SNED1: variants seen among roughly 807,000 people sequenced by gnomAD.
The protein encoded by SNED1 is sushi, nidogen and EGF-like domain-containing protein 1.
In SNED1, 81 loss-of-function variants were observed where a neutral mutation model predicts 166.7. That is an observed-to-expected ratio of 0.49 (90% CI 0.41 to 0.58). SNED1 has a LOEUF of 0.58. Ranked by LOEUF, SNED1 falls within the 20% of genes least tolerant of loss-of-function variation. The pLI is 0.00. For synonymous variants in SNED1, 762 were observed against 822.0 expected (o/e 0.93, Z 1.25); for missense variants, 1,604 against 2,000.2 (o/e 0.80, Z 3.78).
At chr2:241,082,199 C>T in intron 28 of SNED1, 78 bp from the exon 29 acceptor site, 2 of 1,228,128 alleles carry the variant, frequency 1.6e-6, no homozygotes, top group African/African-American at 1.5e-5. Context: ...GGGCCCTCTC[C>T]CTTGGGCAAG....
chr2:241,014,919 C>T (rs2124846350), intron 1 of SNED1, among the ~76,000 whole-genome samples: 1 of 152,270 alleles, frequency 6.6e-6, no homozygotes, highest in Admixed American at 6.5e-5. Context: ...GAAAAGCCGC[C>T]TCTCCCCACA....
chr2:241,063,827 G>T (rs2062323404), intron 18 of SNED1, 127 bp downstream of exon 18: 1 of 772,386 alleles, frequency 1.3e-6, no homozygotes, highest in African/African-American at 1.8e-5. Flanking sequence ...CAGGGCTGCG[G>T]CCACCTTGGG....
rs6736167 is a variant in SNED1, at chr2:241,034,585, C to A, written c.660C>A (p.Gly220=). Residue 220 remains glycine (G), a synonymous_variant, in exon 4 of 32, where the codon GGC becomes GGA. Transcript: ENST00000310397. The part of the protein sequence containing the change: ...GIAAQAGFNA[G]DGQRYFSIPG... ...ACCCCCAGGCTGGCTTCAACGCAGG[C>A]GATGGGCAGCGTTACTTCAGTATCC... 52 of 1,603,758 alleles carry A rather than the reference C, an allele frequency of 3.2e-5. No homozygotes were observed. The highest frequency in any genetic ancestry group is 4.3e-5 in the Non-Finnish European group (50 of 1,174,158).
rs563444503 is a variant in SNED1, at chr2:241,013,513, C to A, written c.213+14463C>A. Among the ~76,000 whole-genome samples, 1 of 151,812 alleles carries A rather than the reference C, an allele frequency of 6.6e-6. No homozygotes were observed. The highest frequency in any genetic ancestry group is 1.9e-4 in the East Asian group (1 of 5,144). ...CCTCCAGCTATATTTTTTTATTTTT[C>A]TTTTTTTGTAGAGACAGGGTCTTGC... On this transcript the variant is annotated intron_variant, in intron 1 of 31. Coordinates refer to ENST00000310397, the MANE Select transcript of SNED1 (RefSeq NM_001080437.3). This position sits in a 1 kb window ranked among gnomAD's most constrained non-coding sequence, Gnocchi z 4.6.
At position 241,044,337 on chromosome 2, in the gene SNED1, T is replaced by C. The variant is rs186424400; in HGVS notation, c.1273+3924T>C. Among the ~76,000 whole-genome samples the C allele has an allele frequency of 9.0e-4, 137 of 152,272 alleles. 2 individuals carry two copies. The highest frequency in any genetic ancestry group is 8.7e-3 in the Admixed American group (133 of 15,304). ...CTCTAAGTATAAAGACACAGGTAAT[T>C]GTAAAGTAATAGAATGGGTTTCTGG... On this transcript the variant is annotated intron_variant, in intron 8 of 31. Coordinates refer to ENST00000310397, the MANE Select transcript of SNED1 (RefSeq NM_001080437.3).
rs1446341312 is a variant in SNED1 at position 241,069,162 on chromosome 2, G to A, written c.3307+139G>A. On this transcript the variant is annotated intron_variant, in intron 23 of 31. Transcript: ENST00000310397. The surrounding 1 kb of genome is among the most constrained non-coding windows in gnomAD (Gnocchi z 4.9). ...CCCTGGCCTCCCAGATGTCTCTTCC[G>A]CTGGGGCCACTGGGCAGGAGCCGCT... 3 of 623,522 alleles carry A rather than the reference G, an allele frequency of 4.8e-6. No homozygotes were observed. Among genetic ancestry groups the A allele is most frequent in the African/African-American group, 1.8e-5 (1 of 54,148 alleles). 38.6% of individuals were successfully genotyped at this position (623,522 alleles called of 1,614,324 possible). A position where few individuals can be genotyped will look rare whatever the true frequency, so the allele number is the denominator to read the frequency against.
At chr2:241,061,604 CT>C (rs1183281740) in intron 16 of SNED1, among the ~76,000 whole-genome samples, 1 of 152,116 alleles carries the variant, frequency 6.6e-6, no homozygotes, top group Admixed American at 6.6e-5. Flanking sequence ...AGCAAAAAGT[CT>C]AGGCTGGGCG....
Position 241,009,813 on chromosome 2 carries a change from G to A in SNED1, c.213+10763G>A, listed in dbSNP as rs377386970. ...GCTTCTGTCCCATGTGTGTTTCCCCGGAGGCGTCCCATGTGTGTTTCCCCG... is the reference window on the plus strand; with the variant it reads ...GCTTCTGTCCCATGTGTGTTTCCCCAGAGGCGTCCCATGTGTGTTTCCCCG... On this transcript the variant is annotated intron_variant, in intron 1 of 31. Coordinates refer to ENST00000310397, the MANE Select transcript of SNED1 (RefSeq NM_001080437.3). Among the ~76,000 whole-genome samples, 219 of 125,992 alleles carry A rather than the reference G, an allele frequency of 1.7e-3. 2 individuals are homozygous for A. The highest frequency in any genetic ancestry group is 0.012 in the African/African-American group (206 of 17,720). The allele number at this position is 125,992 out of a possible 152,430, so 82.7% of individuals were successfully genotyped here. A position where few individuals can be genotyped will look rare whatever the true frequency, so the allele number is the denominator to read the frequency against.
chr2:241,056,598 T>TTTTTTTTTTTGG, intron 16 of SNED1, among the ~76,000 whole-genome samples: 1 of 149,662 alleles, frequency 6.7e-6, no homozygotes. Flanking sequence ...TTTTTTTTTT[T>TTTTTTTTTTTGG]GAGACGGAGT....
Position 241,064,252 on chromosome 2 carries a change from G to A in SNED1, c.2599+127G>A, listed in dbSNP as rs958058751. ...CCCGCCTGCTCCCCGCCCTCTGCCCGCCGCCTTGGAAGTCCCCTTCTCAGG... is the reference window on the plus strand; with the variant it reads ...CCCGCCTGCTCCCCGCCCTCTGCCCACCGCCTTGGAAGTCCCCTTCTCAGG... On this transcript the variant is annotated intron_variant, in intron 19 of 31. Transcript: ENST00000310397. This position sits in a 1 kb window ranked among gnomAD's most constrained non-coding sequence, Gnocchi z 7.0. 29 of 636,430 alleles carry A rather than the reference G, an allele frequency of 4.6e-5. No individual in the cohort carries two copies. The highest frequency in any genetic ancestry group is 2.6e-4 in the South Asian group (13 of 50,088). The allele number at this position is 636,430 out of a possible 1,614,324, so 39.4% of individuals were successfully genotyped here. A position where few individuals can be genotyped will look rare whatever the true frequency, so the allele number is the denominator to read the frequency against.
At chr2:241,037,196 TC>T (rs1559248901) in intron 5 of SNED1, 43 bp from the exon 6 acceptor site, 12 of 1,474,812 alleles carry the variant, frequency 8.1e-6, no homozygotes, top group East Asian at 2.4e-5. Context: ...AAACTCCTCA[TC>T]CGGGTTCCCG....
rs2061835133 is a variant in SNED1, at chr2:241,051,376, G to A, written c.1736-368G>A. ...TGGGGACCCTGATGTCACGGCAGAT[G>A]AGACTCAGCTGCTTCCTGTCAGATG... On this transcript the variant is annotated intron_variant, in intron 12 of 31. Transcript: ENST00000310397. The surrounding 1 kb of genome is among the most constrained non-coding windows in gnomAD (Gnocchi z 4.7). 1 of 211,468 alleles carries A rather than the reference G, an allele frequency of 4.7e-6. No individual in the cohort carries two copies. The highest frequency in any genetic ancestry group is 9.3e-6 in the Non-Finnish European group (1 of 107,224). 13.1% of individuals were successfully genotyped at this position (211,468 alleles called of 1,614,324 possible). A position where few individuals can be genotyped will look rare whatever the true frequency, so the allele number is the denominator to read the frequency against.
At chr2:241,048,256 G>C in intron 8 of SNED1, 59 bp from the exon 9 acceptor site, 2 of 1,512,848 alleles carry the variant, frequency 1.3e-6, no homozygotes, top group Non-Finnish European at 1.8e-6. Context: ...AGCTGGGCGG[G>C]GAGACCACTC....
In SNED1 at chr2:240,999,840, C is replaced by T. The variant is rs936006834; in HGVS notation, c.213+790C>T. ...GCACCTGGTAACTGCATGGAGCACT[C>T]GCCCTGAGTAGGCCACGGTGCACTG... On this transcript the variant is annotated intron_variant, in intron 1 of 31. Transcript: ENST00000310397. The surrounding 1 kb of genome is among the most constrained non-coding windows in gnomAD (Gnocchi z 5.8). Among the ~76,000 whole-genome samples the T allele has an allele frequency of 2.0e-5, 3 of 152,154 alleles. No homozygotes were observed. The highest frequency in any genetic ancestry group is 7.2e-5 in the African/African-American group (3 of 41,428).
intron 8 of SNED1, among the ~76,000 whole-genome samples, chr2:241,045,691 G>A (rs2061627145): frequency 6.9e-6 from 1 of 144,770 alleles, no homozygotes; most frequent in Non-Finnish European, 1.5e-5. Context: ...TAAACTATAA[G>A]ATTTTTAGAA....
Position 240,999,035 on chromosome 2 carries a change from G to T in SNED1, c.198G>T (p.Glu66Asp). ...TGCCCTTCCCGTTCTTCGGTGCCGAGCACTCCGGACTCTACGTGAGTAACC... is the reference window on the plus strand; with the variant it reads ...TGCCCTTCCCGTTCTTCGGTGCCGATCACTCCGGACTCTACGTGAGTAACC... ...LSVPFPFFGA[E>D]HSGLYVNNNG... The change falls in exon 1 of 32, where the codon GAG (glutamate) becomes GAT (aspartate). Residue 66 changes from glutamate to aspartate, a missense_variant. Physicochemically the swap from Glu to Asp is conservative, Grantham distance 45. Transcript: ENST00000310397. The surrounding 1 kb of genome is among the most constrained non-coding windows in gnomAD (Gnocchi z 5.8). 7.6e-7 allele frequency: 1 copy of T among 1,322,256 alleles called. No homozygotes were observed. The allele number at this position is 1,322,256 out of a possible 1,614,324, so 81.9% of individuals were successfully genotyped here.
rs1040633782 is a variant in SNED1 at position 241,036,631 on chromosome 2, A to G, written c.806-159A>G. ...CTCCCCTGCTCCCCTGCTCCGACCTAAAGTGAAACCTGAAACCTGGCTGCT... is the reference window on the plus strand; with the variant it reads ...CTCCCCTGCTCCCCTGCTCCGACCTGAAGTGAAACCTGAAACCTGGCTGCT... On this transcript the variant is annotated intron_variant, in intron 4 of 31. Coordinates refer to ENST00000310397, the MANE Select transcript of SNED1 (RefSeq NM_001080437.3). Among the ~76,000 whole-genome samples the G allele has an allele frequency of 7.9e-5, 12 of 151,294 alleles. No homozygotes were observed. In the East Asian group the frequency reaches 2.2e-3, roughly 27 times the overall value.
At chr2:241,034,451 C>T in intron 3 of SNED1, 117 bp from the exon 4 acceptor site, 1 of 982,366 alleles carries the variant, frequency 1.0e-6, no homozygotes, top group Non-Finnish European at 1.5e-6. Context: ...TGGCTGAGGT[C>T]AGGACCTGGC....
At chr2:241,087,679 A>G in intron 30 of SNED1, 2 of 1,372,334 alleles carry the variant, frequency 1.5e-6, no homozygotes, top group Non-Finnish European at 1.9e-6. Context: ...AGAGGGGCAC[A>G]GCCGGGCATG....
Sources: allele counts gnomAD v4.1 joint callset (sites outside exome capture counted in the v4.1 genomes callset), GRCh38; gene constraint gnomAD v4.1.1; non-coding constraint Gnocchi (gnomAD v3.1); transcripts MANE v1.5; gene names NCBI Gene and HGNC (gene_info 2026-07-23, HGNC 2026-07-21).